UBLCP1: variants seen among roughly 807,000 people sequenced by gnomAD.
UBLCP1 encodes the protein ubiquitin like domain containing CTD phosphatase 1, also known as ubiquitin-like domain-containing CTD phosphatase 1.
In UBLCP1, 28 loss-of-function variants were observed where a neutral mutation model predicts 42.4. The ratio of observed to expected loss-of-function variants is 0.66; its 90% CI spans 0.49 to 0.90. UBLCP1 has a LOEUF of 0.90. Among genes scored for constraint, UBLCP1 ranks in the 40% least tolerant of loss-of-function variants. The pLI, the probability that UBLCP1 is intolerant of heterozygous loss-of-function variation, is 0.00. For synonymous variants in UBLCP1, 122 were observed against 120.8 expected (o/e 1.01, Z -0.07); for missense variants, 279 against 374.5 (o/e 0.75, Z 2.10).
At chr5:159,265,471 T>C (rs1753378684) in intron 1 of UBLCP1, among the ~76,000 whole-genome samples, 1 of 152,240 alleles carries the variant, frequency 6.6e-6, no homozygotes, top group South Asian at 2.1e-4. Flanking sequence ...GCAGCCACTA[T>C]ATAATCTTTG....
intron 4 of UBLCP1, 35 bp downstream of exon 4, chr5:159,270,480 C>A: frequency 6.2e-7 from 1 of 1,603,886 alleles, no homozygotes; most frequent in South Asian, 1.1e-5. Context: ...AATCAGTTGT[C>A]ATGTGAGAAC....
chr5:159,271,672 T>C (rs1441586780), intron 5 of UBLCP1, among the ~76,000 whole-genome samples: 1 of 152,184 alleles, frequency 6.6e-6, no homozygotes, highest in East Asian at 1.9e-4. Flanking sequence ...GCAAGGTAGA[T>C]GACTAAAGGT....
chr5:159,268,681 T>C (rs549717308), intron 1 of UBLCP1, among the ~76,000 whole-genome samples, 189 bp from the exon 2 acceptor site: 1 of 152,274 alleles, frequency 6.6e-6, no homozygotes, highest in East Asian at 1.9e-4. Flanking sequence ...AGCCAAAAAT[T>C]AGGAGTGTGG....
intron 2 of UBLCP1, 79 bp downstream of exon 2, chr5:159,269,148 G>A (rs1414766148): frequency 1.4e-5 from 15 of 1,087,142 alleles, no homozygotes; most frequent in Non-Finnish European, 1.7e-5. Flanking sequence ...GAATATAATT[G>A]TTTAATAATT....
Position 159,272,048 on chromosome 5 carries a change from G to T in UBLCP1, c.474G>T (p.Gly158=). Residue 158 remains glycine, a synonymous_variant, in exon 6 of 11, where the codon GGG becomes GGT. Transcript: ENST00000296786. The part of the protein sequence containing the change: ...LFDHRSCAET[G]VELMRPYLHE... ...ACCACAGGTCTTGTGCAGAGACTGG[G>T]GTAGAATTAATGCGGCCATATCTTC... 6.2e-7 allele frequency: 1 copy of T among 1,613,238 alleles called. No individual in the cohort carries two copies. Among genetic ancestry groups the T allele is most frequent in the South Asian group, 1.1e-5 (1 of 91,066 alleles).
intron 1 of UBLCP1, 60 bp from the exon 2 acceptor site, chr5:159,268,810 A>C: frequency 7.8e-7 from 1 of 1,277,164 alleles, no homozygotes. Context: ...TAAAACTTAA[A>C]AGTTTGGCTT....
At chr5:159,266,708 G>A (rs1381059004) in intron 1 of UBLCP1, among the ~76,000 whole-genome samples, 5 of 152,160 alleles carry the variant, frequency 3.3e-5, no homozygotes, top group East Asian at 3.9e-4. Flanking sequence ...CAGGGTCCCC[G>A]CGCTGTGTGC....
chr5:159,271,865 A>C (rs2113313931), intron 5 of UBLCP1, among the ~76,000 whole-genome samples, 158 bp from the exon 6 acceptor site: 1 of 152,348 alleles, frequency 6.6e-6, no homozygotes, highest in South Asian at 2.1e-4. Context: ...GTGTTTTGAA[A>C]GACATCTTTT....
At chr5:159,278,757 G>A (rs1753570022) in intron 9 of UBLCP1, among the ~76,000 whole-genome samples, 1 of 151,986 alleles carries the variant, frequency 6.6e-6, no homozygotes, top group South Asian at 2.1e-4. Flanking sequence ...ATTTTTAGTA[G>A]AGACAGGGTT....
chr5:159,274,023 T>C (rs548450532), intron 6 of UBLCP1, among the ~76,000 whole-genome samples: 7 of 152,336 alleles, frequency 4.6e-5, no homozygotes, highest in Admixed American at 3.9e-4. Context: ...AATGAGCAGA[T>C]ACATGATGCA....
Position 159,274,689 on chromosome 5 carries a change from G to T in UBLCP1, c.585+67G>T, listed in dbSNP as rs951541180. The T allele has an allele frequency of 7.0e-6, 10 of 1,429,872 alleles. No individual in the cohort carries two copies. The East Asian group carries it at 9.2e-5, about 13-fold the overall frequency. The allele number at this position is 1,429,872 out of a possible 1,614,324, so 88.6% of individuals were successfully genotyped here. On this transcript the variant is annotated intron_variant, in intron 7 of 10. Transcript: ENST00000296786. ...TGCATTTGTCTTGTTAAAAGTTCTA[G>T]AACTGAATTAATTTTATTCTTACTG...
chr5:159,269,310 G>T (rs1254069297), intron 2 of UBLCP1, among the ~76,000 whole-genome samples: 1 of 152,170 alleles, frequency 6.6e-6, no homozygotes, highest in Non-Finnish European at 1.5e-5. Flanking sequence ...GTTTTAGACA[G>T]TCAGTATTTG....
At position 159,275,286 on chromosome 5, in the gene UBLCP1, T is replaced by C. The variant is rs370485058; in HGVS notation, c.684+40T>C. 75 of 1,503,416 alleles carry C rather than the reference T, an allele frequency of 5.0e-5. No homozygotes were observed. The African/African-American group carries it at 8.1e-4, about 16-fold the overall frequency. The allele number at this position is 1,503,416 out of a possible 1,614,324, so 93.1% of individuals were successfully genotyped here. On this transcript the variant is annotated intron_variant, in intron 8 of 10. Coordinates refer to ENST00000296786, the MANE Select transcript of UBLCP1 (RefSeq NM_145049.5). Reference sequence around the variant, plus strand: ...TATTTCTATTTAATGACACCATGGTTATTTTCCAGTGTACTTTTTATGTTT... The same window carrying C: ...TATTTCTATTTAATGACACCATGGTCATTTTCCAGTGTACTTTTTATGTTT...
At position 159,285,144 on chromosome 5, in the gene UBLCP1, C is replaced by T. The variant is rs988535013; in HGVS notation, c.*213C>T. 23 of 485,094 alleles carry T rather than the reference C, an allele frequency of 4.7e-5. No homozygotes were observed. Among genetic ancestry groups the T allele is most frequent in the East Asian group, 1.5e-4 (4 of 26,978 alleles). 30.0% of individuals were successfully genotyped at this position (485,094 alleles called of 1,614,324 possible). ...TGTCCCCTATATGAATATTCTGTTA[C>T]GCTTGAAAAATATTTTCTCCAGCGT... is the stretch of plus-strand genomic sequence containing the variant. On this transcript the variant is annotated 3_prime_UTR_variant, in exon 11 of 11. Coordinates refer to ENST00000296786, the MANE Select transcript of UBLCP1 (RefSeq NM_145049.5).
rs1753658186 is a variant in UBLCP1, at chr5:159,285,196, C to CACA, written c.*265_*266insACA. 6.3e-5 allele frequency: 16 copies of CACA among 251,972 alleles called. No homozygotes were observed. Among genetic ancestry groups the CACA allele is most frequent in the African/African-American group, 2.6e-4 (8 of 30,748 alleles). 15.6% of individuals were successfully genotyped at this position (251,972 alleles called of 1,614,324 possible). ...GGTTACTGACCACCCCACCCTCCCACCACACACACACACACACACACACAC... is the reference window on the plus strand; with the variant it reads ...GGTTACTGACCACCCCACCCTCCCACACACACACACACACACACACACACACAC... On this transcript the variant is annotated 3_prime_UTR_variant, in exon 11 of 11. Transcript: ENST00000296786.
intron 1 of UBLCP1, among the ~76,000 whole-genome samples, chr5:159,268,657 AAGT>A (rs1464137850): frequency 6.6e-6 from 1 of 152,196 alleles, no homozygotes; most frequent in Non-Finnish European, 1.5e-5. Flanking sequence ...GAGTATTAGA[AAGT>A]AGTAACTCTA....
chr5:159,269,572 T>A (rs1484870779), intron 2 of UBLCP1, among the ~76,000 whole-genome samples: 1 of 152,188 alleles, frequency 6.6e-6, no homozygotes, highest in Admixed American at 6.5e-5. Context: ...TCTGCAGTTT[T>A]CTTAGGCACT....
At chr5:159,264,419 G>A (rs1324888097) in intron 1 of UBLCP1, among the ~76,000 whole-genome samples, 1 of 152,214 alleles carries the variant, frequency 6.6e-6, no homozygotes, top group Non-Finnish European at 1.5e-5. Context: ...TCATTGGTGT[G>A]AACGGTCTTA....
Position 159,272,340 on chromosome 5 carries a change from A to C in UBLCP1, c.547+219A>C, listed in dbSNP as rs558917456. ...TAATTTAACTATAGGACATGAGTAC[A>C]TTATAGTGTAAGAATAAAAATGACT... On this transcript the variant is annotated intron_variant, in intron 6 of 10. Transcript: ENST00000296786. Among the ~76,000 whole-genome samples, 5 of 152,288 alleles carry C rather than the reference A, an allele frequency of 3.3e-5. No homozygotes were observed. The East Asian group carries it at 7.7e-4, about 23-fold the overall frequency.
Sources: gnomAD v4.1 joint callset for allele counts (sites outside exome capture counted in the v4.1 genomes callset) on GRCh38, gnomAD v4.1.1 for gene constraint, MANE v1.5 for transcripts, NCBI Gene and HGNC (gene_info 2026-07-23, HGNC 2026-07-21) for gene names.